Variants in PGS1 observed in about 807,000 individuals in gnomAD.
PGS1 encodes phosphatidylglycerophosphate synthase 1.
In PGS1, 44 loss-of-function variants were observed where a neutral mutation model predicts 58.3. The observed-to-expected ratio is 0.75, with a 90% CI of 0.59 to 0.97. The LOEUF (loss-of-function observed/expected upper bound fraction) is 0.97, where lower values mean the gene tolerates loss of function less well. Ranked by LOEUF, PGS1 falls within the 50% of genes least tolerant of loss-of-function variation. The pLI, the probability that PGS1 is intolerant of heterozygous loss-of-function variation, is 0.00. For synonymous variants in PGS1, 330 were observed against 311.0 expected, an observed-to-expected ratio of 1.06 and a Z score of -0.64; for missense variants, 684 against 731.1, an observed-to-expected ratio of 0.94 and a Z score of 0.74.
chr17:78,404,257 G>C (rs1051573629), intron 7 of PGS1, among the ~76,000 whole-genome samples, 168 bp downstream of exon 7: 2 of 151,076 alleles, frequency 1.3e-5, no homozygotes, highest in African/African-American at 2.4e-5. Flanking sequence ...GGGGAGAGGC[G>C]AGCATTCATC....
chr17:78,419,291 T>C (rs1195215150), intron 8 of PGS1, among the ~76,000 whole-genome samples: 1 of 152,242 alleles, frequency 6.6e-6, no homozygotes, highest in East Asian at 1.9e-4. Context: ...GATTATAGGC[T>C]TTAGCCACTG....
intron 7 of PGS1, among the ~76,000 whole-genome samples, chr17:78,414,581 C>T (rs1336224787): frequency 6.6e-6 from 1 of 152,146 alleles, no homozygotes; most frequent in Non-Finnish European, 1.5e-5. Flanking sequence ...ACCATGTTCC[C>T]TCTGGGAAAG....
At position 78,393,356 on chromosome 17, in the gene PGS1, G is replaced by A. The variant is rs1250143959; in HGVS notation, c.333+691G>A. Among the ~76,000 whole-genome samples, 3 of 152,196 alleles carry A rather than the reference G, an allele frequency of 2.0e-5. No homozygotes were observed. The East Asian group carries it at 5.8e-4, about 29-fold the overall frequency. On this transcript the variant is annotated intron_variant, in intron 2 of 9. Coordinates refer to ENST00000262764, the MANE Select transcript of PGS1 (RefSeq NM_024419.5). ...ATTACAGGCATGAGCCACCGCGCCC[G>A]GCCTAGACTTTGATTCTTATGGGCG...
intron 1 of PGS1, 40 bp from the exon 2 acceptor site, chr17:78,392,436 G>GTAT (rs2082900505): frequency 1.4e-6 from 2 of 1,479,054 alleles, no homozygotes; most frequent in Non-Finnish European, 9.3e-7. Context: ...AGTATTTGAG[G>GTAT]TATTTGAGGT....
intron 3 of PGS1, among the ~76,000 whole-genome samples, chr17:78,397,774 C>CT (rs957658750): frequency 6.6e-6 from 1 of 152,194 alleles, no homozygotes; most frequent in Non-Finnish European, 1.5e-5. Flanking sequence ...CACTCCAAGC[C>CT]TGGAAGCCTG....
intron 7 of PGS1, among the ~76,000 whole-genome samples, chr17:78,411,447 C>A (rs2084681959): frequency 6.6e-6 from 1 of 152,152 alleles, no homozygotes. Flanking sequence ...TCTGGTGTCC[C>A]CGCGACACTT....
At chr17:78,405,248 A>G (rs1968014) in intron 7 of PGS1, among the ~76,000 whole-genome samples, 126,763 of 151,700 alleles carry the variant, frequency 0.84, 53,011 homozygotes, top group Non-Finnish European at 0.85. Flanking sequence ...CACTTGTCTC[A>G]GCCTTCCACA....
At position 78,378,654 on chromosome 17, in the gene PGS1, C is replaced by T. The variant is rs369134327; in HGVS notation, c.-12C>T. 5.8e-4 allele frequency: 890 copies of T among 1,525,500 alleles called. 1 individual carries two copies. The highest frequency in any genetic ancestry group is 7.4e-4 in the Non-Finnish European group (847 of 1,144,672). 94.5% of individuals were successfully genotyped at this position (1,525,500 alleles called of 1,614,324 possible). Reference sequence around the variant, plus strand: ...CGCCCGCCGGGAGCGGAAGCGGAAGCGGCGAGTCTCCATGGCGGTGGCGGC... The same window carrying T: ...CGCCCGCCGGGAGCGGAAGCGGAAGTGGCGAGTCTCCATGGCGGTGGCGGC... On this transcript the variant is annotated 5_prime_UTR_variant, in exon 1 of 10. Coordinates refer to ENST00000262764, the MANE Select transcript of PGS1 (RefSeq NM_024419.5).
At chr17:78,410,449 C>A (rs1269347637) in intron 7 of PGS1, among the ~76,000 whole-genome samples, 3 of 138,334 alleles carry the variant, frequency 2.2e-5, no homozygotes, top group South Asian at 2.4e-4. Context: ...AAAACAAAAC[C>A]AAAACTTCAG....
chr17:78,400,471 A>C lies in PGS1; in HGVS notation c.702-206A>C, dbSNP rs1236681824. ...ACACTGTCGGCTCCTTGAGAGGAGG[A>C]GGCTGTGGGTCACTTTGCTGTGTCA... On this transcript the variant is annotated intron_variant, in intron 5 of 9. Transcript: ENST00000262764. This position sits in a 1 kb window ranked among gnomAD's most constrained non-coding sequence, Gnocchi z 4.4. Among the ~76,000 whole-genome samples the C allele has an allele frequency of 1.3e-5, 2 of 151,642 alleles. No individual in the cohort carries two copies. Among genetic ancestry groups the C allele is most frequent in the Admixed American group, 1.3e-4 (2 of 15,196 alleles).
At chr17:78,397,393 T>TCAGACGGGCCCATTGCCCA (rs1182259718) in intron 3 of PGS1, among the ~76,000 whole-genome samples, 15 of 151,064 alleles carry the variant, frequency 9.9e-5, no homozygotes, top group Non-Finnish European at 1.6e-4. Context: ...GGAGGTGCAG[T>TCAGACGGGCCCATTGCCCA]GGGTTCACAC....
chr17:78,409,784 A>C (rs914878131), intron 7 of PGS1, among the ~76,000 whole-genome samples: 1 of 152,226 alleles, frequency 6.6e-6, no homozygotes, highest in Non-Finnish European at 1.5e-5. Context: ...GTGTTCATGC[A>C]TGTACTCTTA....
chr17:78,386,061 C>T (rs1027365724), intron 1 of PGS1, among the ~76,000 whole-genome samples: 2 of 152,158 alleles, frequency 1.3e-5, no homozygotes, highest in Admixed American at 6.5e-5. Context: ...TAGGCCCAGC[C>T]CATTCCTCAG....
chr17:78,388,662 G>A (rs74909528), intron 1 of PGS1, among the ~76,000 whole-genome samples: 4,680 of 151,904 alleles, frequency 0.031, 210 homozygotes, highest in African/African-American at 0.1. Flanking sequence ...TTCTGCTTAC[G>A]TCCCTTCACA....
At chr17:78,393,907 C>T (rs1457020808) in intron 2 of PGS1, among the ~76,000 whole-genome samples, 2 of 126 alleles carry the variant, frequency 0.016, no homozygotes, top group East Asian at 0.25. Context: ...CTAGGCCAGG[C>T]GTGGTGGGGC....
At chr17:78,380,596 G>A (rs1427273067) in intron 1 of PGS1, among the ~76,000 whole-genome samples, 2 of 152,160 alleles carry the variant, frequency 1.3e-5, no homozygotes, top group Non-Finnish European at 2.9e-5. Context: ...TCTGGGTGAC[G>A]AAGTCAGATG....
chr17:78,412,387 T>C (rs1422373222), intron 7 of PGS1, among the ~76,000 whole-genome samples: 5 of 152,194 alleles, frequency 3.3e-5, no homozygotes, highest in Admixed American at 3.3e-4. Context: ...TGAAAAACCC[T>C]TATTCTTTCT....
chr17:78,411,140 G>C (rs888198046), intron 7 of PGS1, among the ~76,000 whole-genome samples: 12 of 152,208 alleles, frequency 7.9e-5, no homozygotes, highest in African/African-American at 2.9e-4. Context: ...CCATGCCACC[G>C]TCTGGGGCCG....
At chr17:78,382,117 A>T (rs7221708) in intron 1 of PGS1, among the ~76,000 whole-genome samples, 2 of 151,972 alleles carry the variant, frequency 1.3e-5, no homozygotes, top group African/African-American at 4.8e-5. Flanking sequence ...GGTGAAGAAG[A>T]GGGGGAGTGG....
Sources: allele counts gnomAD v4.1 joint callset (sites outside exome capture counted in the v4.1 genomes callset), GRCh38; gene constraint gnomAD v4.1.1; non-coding constraint Gnocchi (gnomAD v3.1); transcripts MANE v1.5; gene names NCBI Gene and HGNC (gene_info 2026-07-23, HGNC 2026-07-21).